SND1: variants seen among roughly 807,000 people sequenced by gnomAD.
SND1 encodes staphylococcal nuclease domain-containing protein 1.
Under a neutral mutation model 121.7 loss-of-function variants are expected in SND1, and 38 were observed. The observed-to-expected ratio is 0.31, with a 90% CI of 0.24 to 0.41. The LOEUF (loss-of-function observed/expected upper bound fraction) is 0.41. Among genes scored for constraint, SND1 ranks in the 10% least tolerant of loss-of-function variants. The pLI is 1.00. For synonymous variants in SND1, 401 were observed against 447.4 expected (o/e 0.90, Z 1.31); for missense variants, 868 against 1,184.6 (o/e 0.73, Z 3.92).
chr7:128,029,399 C>T lies in SND1; in HGVS notation c.1779+38343C>T, dbSNP rs1451692326. 6.2e-7 allele frequency: 1 copy of T among 1,614,050 alleles called. No individual in the cohort carries two copies. Among genetic ancestry groups the T allele is most frequent in the African/African-American group, 1.3e-5 (1 of 74,908 alleles). Reference sequence around the variant, plus strand: ...TGTACACCCCAGTGTCTGAAAGCAGCACGTGGGAAAAGTTCAAGGTGCCGT... The same window carrying T: ...TGTACACCCCAGTGTCTGAAAGCAGTACGTGGGAAAAGTTCAAGGTGCCGT... On this transcript the variant is annotated intron_variant, in intron 16 of 23. Transcript: ENST00000354725. This position sits in a 1 kb window ranked among gnomAD's most constrained non-coding sequence, Gnocchi z 4.2.
intron 16 of SND1, among the ~76,000 whole-genome samples, chr7:128,012,373 A>G (rs1275669366): frequency 6.6e-6 from 1 of 152,208 alleles, no homozygotes; most frequent in Non-Finnish European, 1.5e-5. Context: ...CCAGCACTGC[A>G]TGTCCCATCC....
intron 16 of SND1, among the ~76,000 whole-genome samples, chr7:128,062,065 G>C (rs535380957): frequency 6.6e-6 from 1 of 152,378 alleles, no homozygotes; most frequent in East Asian, 1.9e-4. Flanking sequence ...TCTCTCTACT[G>C]TGCCTAAAGG....
intron 10 of SND1, among the ~76,000 whole-genome samples, chr7:127,737,530 A>G (rs1394389664): frequency 1.3e-5 from 2 of 152,132 alleles, no homozygotes; most frequent in East Asian, 3.9e-4. Flanking sequence ...AGCCGAGATC[A>G]CAACATTGCA....
chr7:127,872,038 A>G (rs1200072739), intron 12 of SND1, among the ~76,000 whole-genome samples: 1 of 152,150 alleles, frequency 6.6e-6, no homozygotes, highest in Non-Finnish European at 1.5e-5. Flanking sequence ...AGGCTGAGGC[A>G]GGAGGATTGC....
At chr7:127,989,817 A>T (rs762823393) in intron 15 of SND1, among the ~76,000 whole-genome samples, 2 of 152,156 alleles carry the variant, frequency 1.3e-5, no homozygotes, top group Admixed American at 6.5e-5. Flanking sequence ...TACAGTGTGA[A>T]TTTTTTTGAA....
chr7:127,669,000 CT>C (rs1030538578), intron 1 of SND1, among the ~76,000 whole-genome samples: 13 of 149,322 alleles, frequency 8.7e-5, no homozygotes, highest in South Asian at 2.1e-4. Context: ...GTGCCTCCCC[CT>C]TTTTTTTTTG....
chr7:127,825,918 G>A (rs188588083), intron 11 of SND1, among the ~76,000 whole-genome samples: 12 of 152,244 alleles, frequency 7.9e-5, no homozygotes, highest in Admixed American at 3.9e-4. Flanking sequence ...GAGGCCGGGC[G>A]TGGTGGCTCA....
intron 15 of SND1, among the ~76,000 whole-genome samples, chr7:127,959,191 G>T (rs1182050681): frequency 6.6e-6 from 1 of 152,154 alleles, no homozygotes; most frequent in Non-Finnish European, 1.5e-5. Context: ...TCTTTACTCT[G>T]TGAGGAAACG....
chr7:127,979,980 A>G (rs6969827), intron 15 of SND1, among the ~76,000 whole-genome samples: 1,900 of 152,336 alleles, frequency 0.012, 50 homozygotes, highest in African/African-American at 0.044. Context: ...CTTGACCCAC[A>G]GCTGGCCCAG....
At chr7:127,904,543 A>T (rs1800294743) in intron 13 of SND1, 1 of 406,648 alleles carries the variant, frequency 2.5e-6, no homozygotes, top group Non-Finnish European at 4.5e-6. Flanking sequence ...TGCTGGTAAC[A>T]GGGCTTAAGA....
chr7:127,814,875 GT>G (rs1798402267), intron 11 of SND1, among the ~76,000 whole-genome samples: 1 of 152,154 alleles, frequency 6.6e-6, no homozygotes, highest in East Asian at 1.9e-4. Flanking sequence ...ACTTTTTATA[GT>G]TGGGTGATAG....
intron 15 of SND1, among the ~76,000 whole-genome samples, chr7:127,967,886 TA>T (rs1302186202): frequency 4.6e-5 from 7 of 152,230 alleles, no homozygotes; most frequent in Non-Finnish European, 1.0e-4. Context: ...TCAGGAAGAT[TA>T]TCCTCTGTAA....
At chr7:127,880,860 A>G (rs1261246027) in intron 12 of SND1, among the ~76,000 whole-genome samples, 3 of 151,900 alleles carry the variant, frequency 2.0e-5, no homozygotes, top group Non-Finnish European at 2.9e-5. Flanking sequence ...TCACCCAGCT[A>G]CCCACCGTCT....
chr7:128,081,996 G>T lies in SND1; in HGVS notation c.2110+495G>T, dbSNP rs750894301. 9.4e-6 allele frequency: 5 copies of T among 532,158 alleles called. No individual in the cohort carries two copies. The African/African-American group carries it at 9.6e-5, about 10-fold the overall frequency. 33.0% of individuals were successfully genotyped at this position (532,158 alleles called of 1,614,324 possible). ...TTAACATAGCCCTGAGTGATAGCCAGTTTCCATGGAAACAGGCAGCGCTCT... is the reference window on the plus strand; with the variant it reads ...TTAACATAGCCCTGAGTGATAGCCATTTTCCATGGAAACAGGCAGCGCTCT... On this transcript the variant is annotated intron_variant, in intron 18 of 23. Coordinates refer to ENST00000354725, the MANE Select transcript of SND1 (RefSeq NM_014390.4).
Position 127,695,698 on chromosome 7 carries a change from C to T in SND1, c.349+750C>T, listed in dbSNP as rs529239958. Among the ~76,000 whole-genome samples, 5 of 152,120 alleles carry T rather than the reference C, an allele frequency of 3.3e-5. No homozygotes were observed. The South Asian group carries it at 6.2e-4, about 19-fold the overall frequency. ...AAAATTAGCCAGGCGTGGTGGCGCACGCCTGTAGTCGTAGCTACTCGGGAG... is the reference window on the plus strand; with the variant it reads ...AAAATTAGCCAGGCGTGGTGGCGCATGCCTGTAGTCGTAGCTACTCGGGAG... On this transcript the variant is annotated intron_variant, in intron 3 of 23. Transcript: ENST00000354725.
rs879246062 is a variant in SND1, at chr7:127,807,467, T to G, written c.1153-17T>G. On this transcript the variant is annotated splice_polypyrimidine_tract_variant and intron_variant, in intron 10 of 23. Coordinates refer to ENST00000354725, the MANE Select transcript of SND1 (RefSeq NM_014390.4). Reference sequence around the variant, plus strand: ...GATATTGTTCATTCCTGATGTCATGTTTTATTTTACTTTTAGGATAAGAAC... The same window carrying G: ...GATATTGTTCATTCCTGATGTCATGGTTTATTTTACTTTTAGGATAAGAAC... 6.3e-7 allele frequency: 1 copy of G among 1,594,492 alleles called. No homozygotes were observed. The highest frequency in any genetic ancestry group is 1.3e-5 in the African/African-American group (1 of 74,498).
rs752744210 is a variant in SND1 at position 128,086,915 on chromosome 7, T to C, written c.2305-23T>C. 1.1e-5 allele frequency: 18 copies of C among 1,583,354 alleles called. 1 individual carries two copies. In the Admixed American group the frequency reaches 2.2e-4, roughly 19 times the overall value. On this transcript the variant is annotated intron_variant, in intron 20 of 23. Coordinates refer to ENST00000354725, the MANE Select transcript of SND1 (RefSeq NM_014390.4). ...AAGGGGGCAGCGAGTATGTGACATGTTGGCCTGCTGCTTCCTCTGCAGAGA... is the reference window on the plus strand; with the variant it reads ...AAGGGGGCAGCGAGTATGTGACATGCTGGCCTGCTGCTTCCTCTGCAGAGA...
chr7:127,758,208 T>A (rs1320340055), intron 10 of SND1, among the ~76,000 whole-genome samples: 2 of 152,252 alleles, frequency 1.3e-5, no homozygotes, highest in Admixed American at 6.5e-5. Flanking sequence ...AAAACAGTAT[T>A]GTTGATTATG....
In SND1 at chr7:127,694,836, A is replaced by G. The variant is rs1336350531; in HGVS notation, c.237A>G (p.Ala79=). The change falls in exon 3 of 24, where the codon GCA becomes GCG. Residue 79 remains alanine, a synonymous_variant. Coordinates refer to ENST00000354725, the MANE Select transcript of SND1 (RefSeq NM_014390.4). ...DAKDTPDEPW[A]FPAREFLRKK... is the part of the protein sequence containing the mutation. ...TTTGTTTTGTCTTTCAGCCCTGGGC[A>G]TTTCCAGCTCGAGAGTTCCTTCGAA... 1 of 1,613,856 alleles carries G rather than the reference A, an allele frequency of 6.2e-7. No individual in the cohort carries two copies. The highest frequency in any genetic ancestry group is 8.5e-7 in the Non-Finnish European group (1 of 1,179,908).
Sources: gnomAD v4.1 joint callset for allele counts (sites outside exome capture counted in the v4.1 genomes callset) on GRCh38, gnomAD v4.1.1 for gene constraint, Gnocchi (gnomAD v3.1) non-coding constraint, MANE v1.5 for transcripts, NCBI Gene and HGNC (gene_info 2026-07-23, HGNC 2026-07-21) for gene names.